The following ZRANB3 variants were observed in gnomAD, a reference collection of about 807,000 sequenced individuals.
The protein encoded by ZRANB3 is DNA annealing helicase and endonuclease ZRANB3.
In ZRANB3, 125 loss-of-function variants were observed where a neutral mutation model predicts 133.8. The observed-to-expected ratio is 0.93, with a 90% CI of 0.81 to 1.08. The LOEUF (loss-of-function observed/expected upper bound fraction) is 1.08. ZRANB3 is among the 50% of genes least tolerant of loss of function. The pLI is 0.00. For missense variants in ZRANB3, 1,229 were observed against 1,275.5 expected (o/e 0.96, Z 0.56); for synonymous variants, 387 against 432.7 (o/e 0.89, Z 1.31).
chr2:135,488,873 A>G (rs1397670972), intron 2 of ZRANB3, among the ~76,000 whole-genome samples: 1 of 150,394 alleles, frequency 6.6e-6, no homozygotes, highest in African/African-American at 2.5e-5. Flanking sequence ...GTTTTATTAT[A>G]CTATATAGCA....
intron 7 of ZRANB3, among the ~76,000 whole-genome samples, chr2:135,314,403 A>G (rs1406297255): frequency 2.6e-5 from 4 of 152,214 alleles, no homozygotes; most frequent in Admixed American, 2.6e-4. Context: ...TTATTTTAGA[A>G]GTAACATATT....
intron 12 of ZRANB3, among the ~76,000 whole-genome samples, chr2:135,264,245 G>A (rs1017047035): frequency 9.9e-5 from 15 of 151,426 alleles, no homozygotes; most frequent in Admixed American, 2.0e-4. Flanking sequence ...GGCCGAGGTG[G>A]GCAGATCACA....
chr2:135,292,939 G>A (rs1433274594), intron 8 of ZRANB3, among the ~76,000 whole-genome samples: 1 of 151,826 alleles, frequency 6.6e-6, no homozygotes, highest in African/African-American at 2.4e-5. Context: ...GCTCTGTTCT[G>A]TCCCATTGGT....
chr2:135,224,590 G>A (rs144635836), intron 14 of ZRANB3, 73 bp from the exon 15 acceptor site: 382 of 1,086,552 alleles, frequency 3.5e-4, no homozygotes, highest in Middle Eastern at 6.1e-4. Context: ...TTAATCGTGT[G>A]TAGGTTAGAA....
intron 3 of ZRANB3, among the ~76,000 whole-genome samples, chr2:135,384,699 C>A (rs1338883124): frequency 6.6e-6 from 1 of 152,156 alleles, no homozygotes; most frequent in Admixed American, 6.5e-5. Context: ...ATATGCAAAT[C>A]AATAAATGTA....
At chr2:135,215,726 G>T (rs559050589) in intron 17 of ZRANB3, among the ~76,000 whole-genome samples, 1 of 152,236 alleles carries the variant, frequency 6.6e-6, no homozygotes, top group South Asian at 2.1e-4. Flanking sequence ...GGCATAAAGT[G>T]TAAAGTCCCT....
intron 8 of ZRANB3, among the ~76,000 whole-genome samples, chr2:135,287,728 T>G (rs533583623): frequency 1.3e-5 from 2 of 149,606 alleles, no homozygotes; most frequent in Admixed American, 1.4e-4. Flanking sequence ...GACTTGATTC[T>G]TGGCTTGGTC....
chr2:135,312,367 T>C (rs936593268), intron 8 of ZRANB3, among the ~76,000 whole-genome samples: 4 of 151,772 alleles, frequency 2.6e-5, no homozygotes, highest in African/African-American at 9.7e-5. Flanking sequence ...GGACCAACTA[T>C]ACATTTTAAA....
chr2:135,336,594 T>G (rs765596190), intron 6 of ZRANB3, among the ~76,000 whole-genome samples: 6 of 152,214 alleles, frequency 3.9e-5, no homozygotes, highest in Non-Finnish European at 7.3e-5. Context: ...AGAAAATGCC[T>G]TTTGAGAAGC....
chr2:135,390,830 A>ATT lies in ZRANB3; in HGVS notation c.162-11_162-10insAA, dbSNP rs200846831. On this transcript the variant is annotated splice_polypyrimidine_tract_variant and intron_variant, in intron 2 of 20. Coordinates refer to ENST00000264159, the MANE Select transcript of ZRANB3 (RefSeq NM_032143.4). ...ATCAGCCACCATACACCTGGAAAAA[A>ATT]AAAAAAAAAAAAATTAATTATCAGA... 8 of 1,501,434 alleles carry ATT rather than the reference A, an allele frequency of 5.3e-6. No individual in the cohort carries two copies. Among genetic ancestry groups the ATT allele is most frequent in the South Asian group, 2.6e-5 (2 of 75,728 alleles). 93.0% of individuals were successfully genotyped at this position (1,501,434 alleles called of 1,614,324 possible). A position where few individuals can be genotyped will look rare whatever the true frequency, so the allele number is the denominator to read the frequency against.
At position 135,351,248 on chromosome 2, in the gene ZRANB3, C is replaced by G. The variant is rs1417301056; in HGVS notation, c.360-1033G>C. ...AAGCCCTGGATTAATCTACTTAATA[C>G]AGAGACCTATAATTTTCTTTTTTTT... On this transcript the variant is annotated intron_variant, in intron 4 of 20. Coordinates refer to ENST00000264159, the MANE Select transcript of ZRANB3 (RefSeq NM_032143.4). Among the ~76,000 whole-genome samples the G allele has an allele frequency of 2.0e-5, 3 of 150,034 alleles. No individual in the cohort carries two copies. In the South Asian group the frequency reaches 6.3e-4, roughly 32 times the overall value.
chr2:135,403,900 T>C (rs1321823990), intron 2 of ZRANB3, among the ~76,000 whole-genome samples: 1 of 152,134 alleles, frequency 6.6e-6, no homozygotes, highest in Non-Finnish European at 1.5e-5. Context: ...TCCTGACTGT[T>C]AGAAGGAAAA....
intron 1 of ZRANB3, among the ~76,000 whole-genome samples, chr2:135,517,262 A>G (rs1268482125): frequency 6.6e-6 from 1 of 152,000 alleles, no homozygotes; most frequent in Admixed American, 6.5e-5. Context: ...CACCTTCTGA[A>G]GCCTACTTCT....
intron 2 of ZRANB3, among the ~76,000 whole-genome samples, chr2:135,431,789 A>G (rs959492654): frequency 2.0e-5 from 3 of 152,198 alleles, no homozygotes; most frequent in Non-Finnish European, 4.4e-5. Context: ...GTCTAAAATT[A>G]AAAGGACTTA....
At chr2:135,422,507 C>T (rs1229150648) in intron 2 of ZRANB3, among the ~76,000 whole-genome samples, 5 of 148,268 alleles carry the variant, frequency 3.4e-5, no homozygotes, top group Admixed American at 2.7e-4. Context: ...AGGGGGGCGG[C>T]GGGGGCATAA....
At chr2:135,326,324 T>G (rs1466905111) in intron 6 of ZRANB3, among the ~76,000 whole-genome samples, 3 of 152,146 alleles carry the variant, frequency 2.0e-5, no homozygotes, top group Admixed American at 2.0e-4. Flanking sequence ...TAGTGGTGAT[T>G]TGTGAAATTT....
chr2:135,225,504 A>G (rs1171257122), intron 14 of ZRANB3, among the ~76,000 whole-genome samples: 2 of 152,234 alleles, frequency 1.3e-5, no homozygotes, highest in Non-Finnish European at 2.9e-5. Flanking sequence ...CTTACAGCCA[A>G]TAACAACAAT....
chr2:135,381,193 A>G (rs1333905534), intron 3 of ZRANB3, among the ~76,000 whole-genome samples: 2 of 152,220 alleles, frequency 1.3e-5, no homozygotes, highest in African/African-American at 4.8e-5. Context: ...ACGGCACACC[A>G]GGAGATTATA....
intron 1 of ZRANB3, among the ~76,000 whole-genome samples, chr2:135,510,011 G>A (rs1193440167): frequency 1.3e-5 from 2 of 152,122 alleles, no homozygotes; most frequent in African/African-American, 4.8e-5. Context: ...ATACCAGCGA[G>A]AATCAAAATT....
Sources: gnomAD v4.1 joint callset for allele counts (sites outside exome capture counted in the v4.1 genomes callset) on GRCh38, gnomAD v4.1.1 for gene constraint, MANE v1.5 for transcripts, NCBI Gene and HGNC (gene_info 2026-07-23, HGNC 2026-07-21) for gene names.